Variants in RECQL4 observed in about 807,000 individuals in gnomAD.
RECQL4 encodes ATP-dependent DNA helicase Q4.
Under a neutral mutation model 128.6 loss-of-function variants are expected in RECQL4, and 158 were observed. The observed-to-expected ratio is 1.23, with a 90% CI of 1.08 to 1.40. RECQL4 has a LOEUF of 1.40. Ranked by LOEUF, RECQL4 falls within the 40% of genes most tolerant of loss-of-function variation. The pLI is 0.00. For synonymous variants in RECQL4, 996 were observed against 678.9 expected (o/e 1.47, Z -7.26); for missense variants, 2,293 against 1,649.8 (o/e 1.39, Z -6.75).
rs775127620 is a variant in RECQL4 at position 144,514,047 on chromosome 8, G to C, written c.1939C>G (p.Arg647Gly). 3.2e-6 allele frequency: 5 copies of C among 1,581,154 alleles called. No homozygotes were observed. Among genetic ancestry groups the C allele is most frequent in the African/African-American group, 1.3e-5 (1 of 74,082 alleles). Reference protein sequence around the residue: ...FLGLTATATRRTASDVAQHLA... With the variant: ...FLGLTATATRGTASDVAQHLA... ...TGCTGTGCCACGTCACTGGCAGTGC[G>C]GCGTGTGGCTGTGGCTGTGAGGCCC... Residue 647 changes from arginine (R) to glycine (G), a missense_variant, in exon 12 of 21, where the codon CGC becomes GGC. Coordinates refer to ENST00000617875, the MANE Select transcript of RECQL4 (RefSeq NM_004260.4).
rs1428138180 is a variant in RECQL4, at chr8:144,513,186, G to A, written c.2463+32C>T. 8 of 1,024,102 alleles carry A rather than the reference G, an allele frequency of 7.8e-6. No individual in the cohort carries two copies. The East Asian group carries it at 2.3e-4, about 30-fold the overall frequency. 63.4% of individuals were successfully genotyped at this position (1,024,102 alleles called of 1,614,324 possible). Reference sequence around the variant, plus strand: ...GTGGGGTGGACCACTGGGGGCTCGAGCACTGGCAGTGTGGGGGGGGGGGGT... The same window carrying A: ...GTGGGGTGGACCACTGGGGGCTCGAACACTGGCAGTGTGGGGGGGGGGGGT... On this transcript the variant is annotated intron_variant, in intron 14 of 20. Transcript: ENST00000617875.
rs1434143797 is a variant in RECQL4, at chr8:144,515,829, G to T, written c.1193C>A (p.Thr398Lys). 1.9e-6 allele frequency: 3 copies of T among 1,612,908 alleles called. No individual in the cohort carries two copies. The highest frequency in any genetic ancestry group is 2.5e-6 in the Non-Finnish European group (3 of 1,179,806). ...GTTCAGGAAACAAGACTCCTTGGTT[G>T]TGACTGTGGCACCACCACCCCCAAA... ...ECFGGGGATVTTKESCFLNEQ... is the reference protein window; with the variant it reads ...ECFGGGGATVKTKESCFLNEQ... Residue 398 changes from threonine to lysine, a missense_variant, in exon 6 of 21, where the codon ACA becomes AAA. Thr to Lys is a moderately conservative substitution (Grantham distance 78). Coordinates refer to ENST00000617875, the MANE Select transcript of RECQL4 (RefSeq NM_004260.4).
In RECQL4 at chr8:144,517,645, G is replaced by A; in HGVS notation, c.85-10C>T. On this transcript the variant is annotated splice_polypyrimidine_tract_variant and intron_variant, in intron 1 of 20. Coordinates refer to ENST00000617875, the MANE Select transcript of RECQL4 (RefSeq NM_004260.4). ...CCGCCTCCACGTCGTCCTGTAAAGG[G>A]AACGCGTCAGCCGCGGGCCGCGCCC... 2.0e-6 allele frequency: 3 copies of A among 1,480,320 alleles called. No individual in the cohort carries two copies. The highest frequency in any genetic ancestry group is 2.9e-5 in the East Asian group (1 of 34,728). 91.7% of individuals were successfully genotyped at this position (1,480,320 alleles called of 1,614,324 possible).
intron 3 of RECQL4, 77 bp from the exon 4 acceptor site, chr8:144,517,267 C>T (rs747992334): frequency 2.8e-5 from 42 of 1,520,480 alleles, no homozygotes; most frequent in Non-Finnish European, 3.5e-5. Flanking sequence ...CCCTCCCGCA[C>T]CTGGAGCGAG....
rs750304658 is a variant in RECQL4 at position 144,513,430 on chromosome 8, G to A, written c.2251C>T (p.Arg751Trp). The change falls in exon 14 of 21, where the codon CGG (arginine) becomes TGG (tryptophan). Residue 751 changes from arginine (R) to tryptophan (W), a missense_variant. Coordinates refer to ENST00000617875, the MANE Select transcript of RECQL4 (RefSeq NM_004260.4). ...AEAYHAGMCS[R>W]ERRRVQRAFM... ...GCTCGCTGTACCCGCCGCCGTTCCCGGCTGCACATGCCCGCGTGGTAGGCC... is the reference window on the plus strand; with the variant it reads ...GCTCGCTGTACCCGCCGCCGTTCCCAGCTGCACATGCCCGCGTGGTAGGCC... 5.6e-5 allele frequency: 90 copies of A among 1,609,550 alleles called. No individual in the cohort carries two copies. Among genetic ancestry groups the A allele is most frequent in the African/African-American group, 8.0e-5 (6 of 74,942 alleles).
chr8:144,514,143 GCCCATCCCGGCCCTGGCCGCCCAC>G, intron 11 of RECQL4, 22 bp downstream of exon 11: 2 of 1,610,770 alleles, frequency 1.2e-6, no homozygotes, highest in Non-Finnish European at 1.7e-6. Context: ...AGGCCGCCCA[GCCCATCCCGGCCCTGGCCGCCCAC>G]CCCAGTTCAC....
chr8:144,513,717 T>G lies in RECQL4; in HGVS notation c.2059-5A>C, dbSNP rs370542063. ...TTGCAGCAGCGTCAACAGTGCCTGA[T>G]GAGGAGCGGTTGGCGTGGGCAGTGG... On this transcript the variant is annotated splice_polypyrimidine_tract_variant and splice_region_variant and intron_variant, in intron 12 of 20. Coordinates refer to ENST00000617875, the MANE Select transcript of RECQL4 (RefSeq NM_004260.4). The G allele has an allele frequency of 6.5e-7, 1 of 1,545,808 alleles. No homozygotes were observed. The highest frequency in any genetic ancestry group is 1.2e-5 in the South Asian group (1 of 83,922).
At position 144,514,010 on chromosome 8, in the gene RECQL4, G is replaced by C. The variant is rs1336325647; in HGVS notation, c.1976C>G (p.Ala659Gly). ...ASDVAQHLAV[A>G]EEPDLHGPAP... ...TGGCCCGTGGAGGTCAGGCTCTTCA[G>C]CCACAGCCAGGTGCTGTGCCACGTC... The change falls in exon 12 of 21, where the codon GCT becomes GGT. Residue 659 changes from alanine (A) to glycine (G), a missense_variant. By Grantham distance (60) the Ala-to-Gly change is moderately conservative. Transcript: ENST00000617875. 2 of 1,570,008 alleles carry C rather than the reference G, an allele frequency of 1.3e-6. No homozygotes were observed. The highest frequency in any genetic ancestry group is 2.7e-5 in the African/African-American group (2 of 73,724).
intron 4 of RECQL4, 99 bp downstream of exon 4, chr8:144,516,951 G>A: frequency 1.3e-6 from 2 of 1,500,358 alleles, no homozygotes; most frequent in South Asian, 1.3e-5. Flanking sequence ...GTTGGCACAG[G>A]GGCCCGTGCC....
In RECQL4 at chr8:144,512,208, G is replaced by A. The variant is rs375297971; in HGVS notation, c.3172C>T (p.Arg1058Cys). ...KDQICDFLYG[R>C]VQARERQALA... is the part of the protein sequence containing the mutation. ...GCCTGGCGCTCCCGGGCCTGCACACGGCCATAGAGGAAGTCACATATCTGG... is the reference window on the plus strand; with the variant it reads ...GCCTGGCGCTCCCGGGCCTGCACACAGCCATAGAGGAAGTCACATATCTGG... The change falls in exon 18 of 21, where the codon CGT becomes TGT. Residue 1058 changes from arginine (R) to cysteine (C), a missense_variant. By Grantham distance (180) the Arg-to-Cys change is radical. Transcript: ENST00000617875. 14 of 1,612,206 alleles carry A rather than the reference G, an allele frequency of 8.7e-6. No individual in the cohort carries two copies. In the East Asian group the frequency reaches 1.1e-4, roughly 13 times the overall value.
chr8:144,516,017 C>G lies in RECQL4; in HGVS notation c.1102G>C (p.Ala368Pro). ...MKQKHYVRGR[A>P]LRSRLLRKQA... ...TTGCGGAGGAGCCTGCTACGGAGTG[C>G]CCGGCCCCGCACGTAGTGTTTCTGC... is the stretch of plus-strand genomic sequence containing the variant. Residue 368 changes from alanine to proline, a missense_variant, in exon 5 of 21, where the codon GCA becomes CCA. By Grantham distance (27) the Ala-to-Pro change is conservative. Coordinates refer to ENST00000617875, the MANE Select transcript of RECQL4 (RefSeq NM_004260.4). 1 of 1,610,278 alleles carries G rather than the reference C, an allele frequency of 6.2e-7. No homozygotes were observed. The highest frequency in any genetic ancestry group is 1.1e-5 in the South Asian group (1 of 91,030).
chr8:144,514,661 G>T, intron 9 of RECQL4, 136 bp from the exon 10 acceptor site: 1 of 980,766 alleles, frequency 1.0e-6, no homozygotes, highest in Non-Finnish European at 1.5e-6. Context: ...TAGGGCTAAG[G>T]GTTTAGAGCC....
chr8:144,514,134 G>A (rs778639245), intron 11 of RECQL4, 27 bp from the exon 12 acceptor site: 17 of 1,610,042 alleles, frequency 1.1e-5, no homozygotes, highest in Non-Finnish European at 4.2e-6. Context: ...AGTGGTGTGA[G>A]GCCGCCCAGC....
Position 144,512,134 on chromosome 8 carries a change from T to G in RECQL4, c.3236+10A>C, listed in dbSNP as rs778112948. 1.1e-5 allele frequency: 17 copies of G among 1,603,758 alleles called. No homozygotes were observed. Among genetic ancestry groups the G allele is most frequent in the South Asian group, 5.5e-5 (5 of 90,360 alleles). On this transcript the variant is annotated intron_variant, in intron 18 of 20. Coordinates refer to ENST00000617875, the MANE Select transcript of RECQL4 (RefSeq NM_004260.4). The stretch of plus-strand genomic sequence containing the variant: ...TGGATGGTCCCAGGCCCCGCCCGCC[T>G]CCTCCCAACCTGTGAAAGGCCTGGA...
Position 144,516,420 on chromosome 8 carries a change from G to A in RECQL4, c.699C>T (p.Gly233=), listed in dbSNP as rs770614796. The A allele has an allele frequency of 7.5e-6, 12 of 1,609,108 alleles. No individual in the cohort carries two copies. Among genetic ancestry groups the A allele is most frequent in the Non-Finnish European group, 1.0e-5 (12 of 1,179,670 alleles). Residue 233 remains glycine (G), a synonymous_variant, in exon 5 of 21, where the codon GGC becomes GGT. Transcript: ENST00000617875. The part of the protein sequence containing the change: ...GESAVLGPGA[G]SQGPEASAFQ... ...AGGCTGAAGCCTCTGGGCCCTGGGA[G>A]CCAGCACCAGGACCAAGGACAGCCG... is the stretch of plus-strand genomic sequence containing the variant.
intron 13 of RECQL4, 34 bp from the exon 14 acceptor site, chr8:144,513,514 G>A: frequency 1.9e-6 from 3 of 1,610,586 alleles, no homozygotes; most frequent in Non-Finnish European, 2.5e-6. Flanking sequence ...TCAGTGGGAT[G>A]GGACCATGTG....
chr8:144,513,570 C>A lies in RECQL4; in HGVS notation c.2200+1G>T. ...GGACACCAGCTCTGTCCATGCCGCACCTCCAGACCCTGGGACCCAGGCTGC... is the reference window on the plus strand; with the variant it reads ...GGACACCAGCTCTGTCCATGCCGCAACTCCAGACCCTGGGACCCAGGCTGC... On this transcript the variant is annotated splice_donor_variant, in intron 13 of 20. Coordinates refer to ENST00000617875, the MANE Select transcript of RECQL4 (RefSeq NM_004260.4). LOFTEE classifies it high-confidence loss of function. The A allele has an allele frequency of 6.2e-7, 1 of 1,610,802 alleles. No homozygotes were observed. The highest frequency in any genetic ancestry group is 8.5e-7 in the Non-Finnish European group (1 of 1,179,114).
In RECQL4 at chr8:144,513,405, G is replaced by A. The variant is rs1586803103; in HGVS notation, c.2276C>T (p.Ala759Val). 6.2e-7 allele frequency: 1 copy of A among 1,608,676 alleles called. No homozygotes were observed. The highest frequency in any genetic ancestry group is 8.5e-7 in the Non-Finnish European group (1 of 1,179,712). Residue 759 changes from alanine to valine, a missense_variant, in exon 14 of 21, where the codon GCC becomes GTC. Ala to Val is a moderately conservative substitution (Grantham distance 64, BLOSUM62 0). Transcript: ENST00000617875. ...CSRERRRVQR[A>V]FMQGQLRVVV... ...CACCCGCAACTGGCCCTGCATGAAGGCTCGCTGTACCCGCCGCCGTTCCCG... is the reference window on the plus strand; with the variant it reads ...CACCCGCAACTGGCCCTGCATGAAGACTCGCTGTACCCGCCGCCGTTCCCG...
rs776274038 is a variant in RECQL4, at chr8:144,513,921, C to T, written c.2058+7G>A. The T allele has an allele frequency of 2.0e-6, 3 of 1,532,066 alleles. No individual in the cohort carries two copies. Among genetic ancestry groups the T allele is most frequent in the South Asian group, 2.4e-5 (2 of 83,904 alleles). 94.9% of individuals were successfully genotyped at this position (1,532,066 alleles called of 1,614,324 possible). ...CCCTGCAGGGTCCCCAGAGCACACACACCCACCTGGTCTGTGTCCCTGTCC... is the reference window on the plus strand; with the variant it reads ...CCCTGCAGGGTCCCCAGAGCACACATACCCACCTGGTCTGTGTCCCTGTCC... On this transcript the variant is annotated splice_region_variant and intron_variant, in intron 12 of 20. Transcript: ENST00000617875.
Sources: allele counts gnomAD v4.1 joint callset, GRCh38; gene constraint gnomAD v4.1.1; transcripts MANE v1.5; gene names NCBI Gene and HGNC (gene_info 2026-07-23, HGNC 2026-07-21).